The following HOXD11 variants were observed in gnomAD, a reference collection of about 807,000 sequenced individuals.
HOXD11 encodes homeobox protein Hox-D11.
In HOXD11, 16 loss-of-function variants were observed where a neutral mutation model predicts 23.1. That is an observed-to-expected ratio of 0.69 (90% CI 0.47 to 1.05). The LOEUF (loss-of-function observed/expected upper bound fraction) is 1.05, where lower values mean the gene tolerates loss of function less well. Among genes scored for constraint, HOXD11 ranks in the 50% least tolerant of loss-of-function variants. HOXD11 has a pLI of 0.00. For missense variants in HOXD11, 564 were observed against 495.6 expected (o/e 1.14, Z -1.31); for synonymous variants, 262 against 224.4 (o/e 1.17, Z -1.50).
downstream of HOXD11, among the ~76,000 whole-genome samples, chr2:176,113,744 A>AT (rs1399495022): frequency 6.6e-6 from 1 of 152,342 alleles, no homozygotes; most frequent in South Asian, 2.1e-4. Flanking sequence ...AATTTTAAAG[A>AT]TAAAAAATAG....
chr2:176,108,696 T>TGTGTGTGTGTCC lies in HOXD11; in HGVS notation c.782-209_782-208insGTGTGTGTCCGT, dbSNP rs960078937. The TGTGTGTGTGTCC allele has an allele frequency of 2.8e-4, 161 of 579,130 alleles. 1 individual carries two copies. In the African/African-American group the frequency reaches 3.0e-3, roughly 11 times the overall value. 35.9% of individuals were successfully genotyped at this position (579,130 alleles called of 1,614,324 possible). A position where few individuals can be genotyped will look rare whatever the true frequency, so the allele number is the denominator to read the frequency against. ...GTGTGTGTGTGTGTGTGTGTGTGTG[T>TGTGTGTGTGTCC]GTCCGGGCGTGAACACATGTCCACG... On this transcript the variant is annotated intron_variant, in intron 1 of 1. Transcript: ENST00000249504.
Position 176,107,844 on chromosome 2 carries a change from C to T in HOXD11, c.489C>T (p.Asn163=). The T allele has an allele frequency of 6.9e-7, 1 of 1,441,118 alleles. No homozygotes were observed. The highest frequency in any genetic ancestry group is 3.2e-5 in the East Asian group (1 of 31,536). 89.3% of individuals were successfully genotyped at this position (1,441,118 alleles called of 1,614,324 possible). ...ACGGCCCCGCGGGCGCCGCCTCCAA[C>T]TTCTACAGCGCGGTGGGCCGCAATG... The part of the protein sequence containing the change: ...PPHGPAGAAS[N]FYSAVGRNGI... Residue 163 remains asparagine, a synonymous_variant, in exon 1 of 2, where the codon AAC becomes AAT. Transcript: ENST00000249504.
intron 1 of HOXD11, among the ~76,000 whole-genome samples, chr2:176,108,498 G>A (rs1440050997): frequency 6.6e-6 from 1 of 151,610 alleles, no homozygotes; most frequent in Non-Finnish European, 1.5e-5. Flanking sequence ...TGGGGAAGTG[G>A]GGGGAGTTTG....
downstream of HOXD11, among the ~76,000 whole-genome samples, chr2:176,112,217 C>T (rs1324593772): frequency 1.3e-5 from 2 of 152,250 alleles, no homozygotes; most frequent in Non-Finnish European, 2.9e-5. Flanking sequence ...AAGCTGCACG[C>T]CGGTCTTGAG....
At chr2:176,113,908 C>T (rs1334031796), downstream of HOXD11, among the ~76,000 whole-genome samples, 2 of 152,220 alleles carry the variant, frequency 1.3e-5, no homozygotes, top group Non-Finnish European at 2.9e-5. Context: ...AAGACACATC[C>T]TGCCTATTCT....
rs775865202 is a variant in HOXD11 at position 176,108,086 on chromosome 2, A to G, written c.731A>G (p.Asp244Gly). ...GGGGCAGCAGAAGGCAGCGGTGGCG[A>G]CGGCGAGGGCCCCCCGGGAGAGGCG... ...PKGAAEGSGGDGEGPPGEAGA... is the reference protein window; with the variant it reads ...PKGAAEGSGGGGEGPPGEAGA... Residue 244 changes from aspartate (D) to glycine (G), a missense_variant, in exon 1 of 2, where the codon GAC becomes GGC. Asp to Gly is a moderately conservative substitution (Grantham distance 94). Coordinates refer to ENST00000249504, the MANE Select transcript of HOXD11 (RefSeq NM_021192.3). 137 of 1,384,538 alleles carry G rather than the reference A, an allele frequency of 9.9e-5. 2 individuals are homozygous for G. In the South Asian group the frequency reaches 1.7e-3, roughly 18 times the overall value. The allele number at this position is 1,384,538 out of a possible 1,614,324, so 85.8% of individuals were successfully genotyped here. A position where few individuals can be genotyped will look rare whatever the true frequency, so the allele number is the denominator to read the frequency against.
chr2:176,109,280 C>G lies in HOXD11; in HGVS notation c.*138C>G, dbSNP rs926592417. 2 of 649,002 alleles carry G rather than the reference C, an allele frequency of 3.1e-6. No individual in the cohort carries two copies. The highest frequency in any genetic ancestry group is 5.5e-6 in the Non-Finnish European group (2 of 366,540). The allele number at this position is 649,002 out of a possible 1,614,324, so 40.2% of individuals were successfully genotyped here. On this transcript the variant is annotated 3_prime_UTR_variant, in exon 2 of 2. Transcript: ENST00000249504. ...CTTCACGATTCCTTCCCACGGTCAA[C>G]TCGGGACCTCCCAGCGACCACTGCA...
At chr2:176,111,678 G>A (rs1022680818), downstream of HOXD11, among the ~76,000 whole-genome samples, 2 of 151,490 alleles carry the variant, frequency 1.3e-5, no homozygotes, top group Non-Finnish European at 2.9e-5. Flanking sequence ...GTGTGGAGCA[G>A]AGTTTTAAAA....
At position 176,109,736 on chromosome 2, in the gene HOXD11, C is replaced by T. The variant is rs887868954; in HGVS notation, c.*594C>T. 2.2e-5 allele frequency: 4 copies of T among 183,658 alleles called. No homozygotes were observed. Among genetic ancestry groups the T allele is most frequent in the Admixed American group, 1.9e-4 (3 of 15,992 alleles). 11.4% of individuals were successfully genotyped at this position (183,658 alleles called of 1,614,324 possible). ...GGCCAGAACCCATGCAACTGAAAAT[C>T]GAATGAAATACTTTTTAGTCCCACT... On this transcript the variant is annotated 3_prime_UTR_variant, in exon 2 of 2. Transcript: ENST00000249504.
chr2:176,114,946 C>T, the HOXD11 span, among the ~76,000 whole-genome samples: 1 of 152,246 alleles, frequency 6.6e-6, no homozygotes, highest in Non-Finnish European at 1.5e-5. Flanking sequence ...GGAAGGGAAC[C>T]TGGCAGGCCG....
chr2:176,112,761 G>T (rs116711196), downstream of HOXD11, among the ~76,000 whole-genome samples: 1,366 of 152,368 alleles, frequency 9.0e-3, 17 homozygotes, highest in African/African-American at 0.03. Context: ...TGGCTGTGCG[G>T]GGGCCCCTTG....
downstream of HOXD11, among the ~76,000 whole-genome samples, chr2:176,111,836 A>G (rs915548983): frequency 1.9e-3 from 274 of 147,512 alleles, 5 homozygotes; most frequent in Non-Finnish European, 3.3e-3. Flanking sequence ...CAAAAAAAAA[A>G]AAAAAAAAAA....
intron 1 of HOXD11, chr2:176,108,663 G>GTGTGTGTGTA: frequency 2.3e-6 from 1 of 432,012 alleles, no homozygotes; most frequent in Non-Finnish European, 4.1e-6. Context: ...CAGGCTCTGT[G>GTGTGTGTGTA]TGTGTGTGTG....
At chr2:176,110,881 G>A (rs1371063148), downstream of HOXD11, among the ~76,000 whole-genome samples, 1 of 152,204 alleles carries the variant, frequency 6.6e-6, no homozygotes, top group Non-Finnish European at 1.5e-5. Context: ...ATACTGATTA[G>A]ATTAAAATGC....
At chr2:176,114,173 G>A (rs1574951568), downstream of HOXD11, among the ~76,000 whole-genome samples, 1 of 152,228 alleles carries the variant, frequency 6.6e-6, no homozygotes, top group East Asian at 1.9e-4. Flanking sequence ...TGCGGCAAGC[G>A]AGTGCAGCGG....
chr2:176,108,807 G>T (rs1403406514), intron 1 of HOXD11, 100 bp from the exon 2 acceptor site: 5 of 755,866 alleles, frequency 6.6e-6, no homozygotes, highest in African/African-American at 3.6e-5. Flanking sequence ...CGTCCCCAAC[G>T]GGGCCAGGGC....
At chr2:176,108,702 G>A (rs1553518221) in intron 1 of HOXD11, 2 of 425,414 alleles carry the variant, frequency 4.7e-6, no homozygotes, top group Admixed American at 4.3e-5. Flanking sequence ...TGTGTGTCCG[G>A]GCGTGAACAC....
In HOXD11 at chr2:176,108,222, T is replaced by TATAAGCGCTTGTGC. The variant is rs1689616448; in HGVS notation, c.781+86_781+87insATAAGCGCTTGTGC. 6.1e-6 allele frequency: 5 copies of TATAAGCGCTTGTGC among 822,674 alleles called. No homozygotes were observed. The African/African-American group carries it at 9.1e-5, about 15-fold the overall frequency. 51.0% of individuals were successfully genotyped at this position (822,674 alleles called of 1,614,324 possible). A position where few individuals can be genotyped will look rare whatever the true frequency, so the allele number is the denominator to read the frequency against. On this transcript the variant is annotated intron_variant, in intron 1 of 1. Coordinates refer to ENST00000249504, the MANE Select transcript of HOXD11 (RefSeq NM_021192.3). ...GGAGGCCTCCCTCTGCTTGCGCCTTTTTATGTGCTACTTTATAAGCATTCG... is the reference window on the plus strand; with the variant it reads ...GGAGGCCTCCCTCTGCTTGCGCCTTTATAAGCGCTTGTGCTTATGTGCTACTTTATAAGCATTCG...
chr2:176,108,027 C>G lies in HOXD11; in HGVS notation c.672C>G (p.Pro224=). 1 of 1,494,394 alleles carries G rather than the reference C, an allele frequency of 6.7e-7. No individual in the cohort carries two copies. The highest frequency in any genetic ancestry group is 2.1e-5 in the Admixed American group (1 of 47,240). The allele number at this position is 1,494,394 out of a possible 1,614,324, so 92.6% of individuals were successfully genotyped here. A position where few individuals can be genotyped will look rare whatever the true frequency, so the allele number is the denominator to read the frequency against. Reference sequence around the variant, plus strand: ...GGGCTGGTGGCGGCGGGGGCAGTCCCTGCACCAAGGCGACCCCTGGCTCGG... The same window carrying G: ...GGGCTGGTGGCGGCGGGGGCAGTCCGTGCACCAAGGCGACCCCTGGCTCGG... The part of the protein sequence containing the change: ...RTGAGGGGGS[P]CTKATPGSEP... Residue 224 remains proline, a synonymous_variant, in exon 1 of 2, where the codon CCC becomes CCG. Transcript: ENST00000249504.
Sources: allele counts gnomAD v4.1 joint callset (sites outside exome capture counted in the v4.1 genomes callset), GRCh38; gene constraint gnomAD v4.1.1; transcripts MANE v1.5; gene names NCBI Gene and HGNC (gene_info 2026-07-23, HGNC 2026-07-21).